The following VWCE variants were observed in gnomAD, a reference collection of about 807,000 sequenced individuals.
The protein encoded by VWCE is von Willebrand factor C and EGF domains, also known as von Willebrand factor C and EGF domain-containing protein.
VWCE carries 68 observed loss-of-function variants against 102.9 expected under a neutral mutation model. The observed-to-expected ratio is 0.66, with a 90% CI of 0.54 to 0.81. The LOEUF is 0.81. Ranked by LOEUF, VWCE falls within the 30% of genes least tolerant of loss-of-function variation. The pLI is 0.00. For missense variants in VWCE, 1,137 were observed against 1,263.6 expected, an observed-to-expected ratio of 0.90 and a Z score of 1.52; for synonymous variants, 497 against 515.4, an observed-to-expected ratio of 0.96 and a Z score of 0.48.
intron 4 of VWCE, 51 bp downstream of exon 4, chr11:61,290,748 A>G: frequency 1.3e-6 from 2 of 1,563,932 alleles, no homozygotes; most frequent in African/African-American, 1.3e-5. Context: ...GGGAGGAGAT[A>G]TAATTCCCGC....
intron 16 of VWCE, 110 bp downstream of exon 16, chr11:61,267,352 G>C (rs551231869): frequency 1.8e-6 from 2 of 1,118,826 alleles, no homozygotes; most frequent in Non-Finnish European, 2.7e-6. Context: ...CCATGAACCA[G>C]AAGCATCCCT....
chr11:61,274,820 G>C (rs1854854814), intron 11 of VWCE, among the ~76,000 whole-genome samples: 1 of 152,174 alleles, frequency 6.6e-6, no homozygotes, highest in African/African-American at 2.4e-5. Flanking sequence ...CCAACATTCT[G>C]GGAGGCCAAG....
chr11:61,264,877 C>T, intron 18 of VWCE, 79 bp downstream of exon 18: 2 of 1,469,990 alleles, frequency 1.4e-6, no homozygotes, highest in East Asian at 2.3e-5. Flanking sequence ...GGCTAAAGGG[C>T]TCCATGTTTT....
intron 1 of VWCE, among the ~76,000 whole-genome samples, chr11:61,291,782 C>A (rs1444927616): frequency 6.6e-6 from 1 of 152,240 alleles, no homozygotes; most frequent in Non-Finnish European, 1.5e-5. Flanking sequence ...ACAATAGATA[C>A]TGGCCTCCTA....
At chr11:61,290,778 C>T (rs747809613) in intron 4 of VWCE, 21 bp downstream of exon 4, 1 of 1,585,970 alleles carries the variant, frequency 6.3e-7, no homozygotes, top group South Asian at 1.1e-5. Context: ...CCCCCTCCCC[C>T]ACCACTCCCA....
At position 61,294,084 on chromosome 11, in the gene VWCE, G is replaced by C. The variant is rs1217602009; in HGVS notation, c.110+844C>G. ...GGAGGCTGATGGAGTCGAACTCTCA[G>C]GTGGGCAGGGACCGAGCACCCGCCA... On this transcript the variant is annotated intron_variant, in intron 1 of 19. Coordinates refer to ENST00000335613, the MANE Select transcript of VWCE (RefSeq NM_152718.2). The surrounding 1 kb of genome is among the most constrained non-coding windows in gnomAD (Gnocchi z 6.3). Among the ~76,000 whole-genome samples the C allele has an allele frequency of 6.6e-6, 1 of 152,186 alleles. No homozygotes were observed. Among genetic ancestry groups the C allele is most frequent in the East Asian group, 1.9e-4 (1 of 5,188 alleles).
intron 12 of VWCE, 115 bp downstream of exon 12, chr11:61,274,384 C>T: frequency 1.0e-6 from 1 of 977,558 alleles, no homozygotes. Flanking sequence ...TCCTCAGTTT[C>T]CCTGTTGCTG....
Position 61,271,699 on chromosome 11 carries a change from G to T in VWCE, c.1761C>A (p.Asp587Glu). The T allele has an allele frequency of 6.2e-7, 1 of 1,613,436 alleles. No individual in the cohort carries two copies. Among genetic ancestry groups the T allele is most frequent in the Non-Finnish European group, 8.5e-7 (1 of 1,179,742 alleles). The change falls in exon 14 of 20, where the codon GAC becomes GAA. Residue 587 changes from aspartate to glutamate, a missense_variant. By Grantham distance (45) the Asp-to-Glu change is conservative. Around this residue, in one of 5 missense-constraint regions of VWCE, gnomAD observed 212 missense variants for 235.1 expected, o/e 0.90. Coordinates refer to ENST00000335613, the MANE Select transcript of VWCE (RefSeq NM_152718.2). ...CCTGGCAGATGCATAACTCACAGGG[G>T]TCACCAGGCGACCAGATCTGTCCAA... Reference protein sequence around the residue: ...FPIGQIWSPGDPCELCICQAD... With the variant: ...FPIGQIWSPGEPCELCICQAD...
Position 61,281,056 on chromosome 11 carries a change from G to T in VWCE, c.967C>A (p.Pro323Thr). The T allele has an allele frequency of 2.5e-6, 4 of 1,598,984 alleles. No individual in the cohort carries two copies. Among genetic ancestry groups the T allele is most frequent in the Non-Finnish European group, 3.4e-6 (4 of 1,172,216 alleles). The change falls in exon 8 of 20, where the codon CCA becomes ACA. Residue 323 changes from proline to threonine, a missense_variant. Transcript: ENST00000335613. ...VRTTRLPSPT[P>T]RLPTSSPSAP... is the part of the protein sequence containing the mutation. ...GAAGGGGAGGATGTGGGTAGTCGTG[G>T]GGTGGGAGATGGCAGGCGGGTGGTC...
chr11:61,274,709 TC>T, intron 11 of VWCE, 125 bp from the exon 12 acceptor site: 3 of 691,514 alleles, frequency 4.3e-6, no homozygotes, highest in Non-Finnish European at 4.8e-6. Flanking sequence ...CACAGCATGC[TC>T]CGTGCCCAGG....
Position 61,286,412 on chromosome 11 carries a change from G to T in VWCE, c.443C>A (p.Thr148Asn). 2 of 1,612,536 alleles carry T rather than the reference G, an allele frequency of 1.2e-6. No homozygotes were observed. Among genetic ancestry groups the T allele is most frequent in the East Asian group, 4.5e-5 (2 of 44,888 alleles). Residue 148 changes from threonine (T) to asparagine (N), a missense_variant, in exon 5 of 20, where the codon ACC (threonine) becomes AAC (asparagine). Physicochemically the swap from Thr to Asn is moderately conservative, Grantham distance 65. This residue lies in a region of VWCE where 575 missense variants were observed against 625.9 expected (regional missense o/e 0.92). Coordinates refer to ENST00000335613, the MANE Select transcript of VWCE (RefSeq NM_152718.2). ...IRCTDIDECV[T>N]SSCEGHCVNT... ...CACACAGTGGCCCTCGCAGGAGGAGGTTACACATTCGTCAATGTCTGGAAA... is the reference window on the plus strand; with the variant it reads ...CACACAGTGGCCCTCGCAGGAGGAGTTTACACATTCGTCAATGTCTGGAAA...
At chr11:61,276,251 T>C (rs1250210909) in intron 11 of VWCE, among the ~76,000 whole-genome samples, 1 of 149,420 alleles carries the variant, frequency 6.7e-6, no homozygotes, top group Non-Finnish European at 1.5e-5. Context: ...CTACTAAAAA[T>C]ACAAAAATTA....
chr11:61,267,566 G>T (rs753836459), intron 15 of VWCE, 22 bp from the exon 16 acceptor site: 1 of 1,612,830 alleles, frequency 6.2e-7, no homozygotes, highest in Non-Finnish European at 8.5e-7. Flanking sequence ...AGCATGCGCT[G>T]AGCACCAGCT....
intron 19 of VWCE, among the ~76,000 whole-genome samples, chr11:61,264,055 C>G (rs1337783759): frequency 6.6e-6 from 1 of 151,620 alleles, no homozygotes. Context: ...GAAACCCCAT[C>G]TCTACTAAAA....
At chr11:61,284,502 C>T (rs1565228555) in intron 5 of VWCE, among the ~76,000 whole-genome samples, 1 of 152,176 alleles carries the variant, frequency 6.6e-6, no homozygotes, top group African/African-American at 2.4e-5. Context: ...ATGGACTAAA[C>T]TCTGTCCCCT....
intron 5 of VWCE, 101 bp from the exon 6 acceptor site, chr11:61,283,006 G>A: frequency 2.0e-6 from 2 of 1,012,094 alleles, no homozygotes; most frequent in Non-Finnish European, 3.1e-6. Context: ...TATACACACA[G>A]GGCTGTGGGG....
chr11:61,291,331 C>G lies in VWCE; in HGVS notation c.228G>C (p.Gly76=), dbSNP rs368904694. ...CTLPLCSFGC[G]SGICIAPNVC... ...CATTGGGAGCGATGCAGATGCCACT[C>G]CCACAGCCGAAGGAGCAGAGGGCTG... is the stretch of plus-strand genomic sequence containing the variant. Residue 76 remains glycine, a synonymous_variant, in exon 3 of 20, where the codon GGG becomes GGC. Coordinates refer to ENST00000335613, the MANE Select transcript of VWCE (RefSeq NM_152718.2). 6.2e-7 allele frequency: 1 copy of G among 1,612,922 alleles called. No homozygotes were observed. Among genetic ancestry groups the G allele is most frequent in the African/African-American group, 1.3e-5 (1 of 75,030 alleles).
In VWCE at chr11:61,283,463, G is replaced by A. The variant is rs780094400; in HGVS notation, c.542-558C>T. Reference sequence around the variant, plus strand: ...TTTTGCTCTTTTTGCCCAGGCTGGAGTACAATGGCGCGATCTCAGCTCACT... The same window carrying A: ...TTTTGCTCTTTTTGCCCAGGCTGGAATACAATGGCGCGATCTCAGCTCACT... On this transcript the variant is annotated intron_variant, in intron 5 of 19. Transcript: ENST00000335613. 3.9e-5 allele frequency among the ~76,000 whole-genome samples: 6 copies of A among 152,320 alleles called. No homozygotes were observed. In the South Asian group the frequency reaches 1.2e-3, roughly 32 times the overall value.
chr11:61,287,190 C>G (rs1855362513), intron 4 of VWCE, among the ~76,000 whole-genome samples: 1 of 152,192 alleles, frequency 6.6e-6, no homozygotes, highest in Non-Finnish European at 1.5e-5. Context: ...CCACAAGGAC[C>G]CTGAGCCCAC....
Sources: gnomAD v4.1 joint callset for allele counts (sites outside exome capture counted in the v4.1 genomes callset) on GRCh38, gnomAD v4.1.1 for gene constraint, gnomAD v4.1.1 regional missense constraint, Gnocchi (gnomAD v3.1) non-coding constraint, MANE v1.5 for transcripts, NCBI Gene and HGNC (gene_info 2026-07-23, HGNC 2026-07-21) for gene names.